The following APIP variants were observed in gnomAD, a reference collection of about 807,000 sequenced individuals.
APIP encodes the protein methylthioribulose-1-phosphate dehydratase.
APIP carries 32 observed loss-of-function variants against 32.0 expected under a neutral mutation model. The observed-to-expected ratio is 1.00, with a 90% CI of 0.76 to 1.34. The LOEUF (loss-of-function observed/expected upper bound fraction) is 1.34, where lower values mean the gene tolerates loss of function less well. Ranked by LOEUF, APIP falls within the 40% of genes most tolerant of loss-of-function variation. APIP has a pLI of 0.00. For missense variants in APIP, 247 were observed against 298.6 expected, an observed-to-expected ratio of 0.83 and a Z score of 1.27; for synonymous variants, 92 against 94.8, an observed-to-expected ratio of 0.97 and a Z score of 0.17.
intron 1 of APIP, among the ~76,000 whole-genome samples, chr11:34,915,549 A>C (rs1170378992): frequency 2.0e-5 from 3 of 152,208 alleles, no homozygotes; most frequent in Non-Finnish European, 4.4e-5. Context: ...CTAGTTCTCC[A>C]GACCCTGGGC....
rs753853669 is a variant in APIP, at chr11:34,916,335, G to A, written c.-51C>T. On this transcript the variant is annotated 5_prime_UTR_variant, in exon 1 of 7. Coordinates refer to ENST00000395787, the MANE Select transcript of APIP (RefSeq NM_015957.4). ...CTCCAATCTCCGCACGGCTTTGCGC[G>A]CGGCGCTTAGCCTGGGATACGGCAG... is the stretch of plus-strand genomic sequence containing the variant. 1.9e-6 allele frequency: 3 copies of A among 1,601,418 alleles called. No homozygotes were observed. The highest frequency in any genetic ancestry group is 2.3e-5 in the East Asian group (1 of 44,196).
intron 3 of APIP, among the ~76,000 whole-genome samples, chr11:34,889,529 T>C (rs1473963940): frequency 6.6e-6 from 1 of 152,124 alleles, no homozygotes; most frequent in Non-Finnish European, 1.5e-5. Context: ...GGAGGTTTGT[T>C]ACATAGGTAA....
At chr11:34,915,001 C>CAAAAAAAAAAAAAAAA (rs33914497) in intron 1 of APIP, among the ~76,000 whole-genome samples, 1 of 76,384 alleles carries the variant, frequency 1.3e-5, no homozygotes. Context: ...CAAAACGTGT[C>CAAAAAAAAAAAAAAAA]AAAAAAAAAA....
At chr11:34,890,371 T>C in intron 3 of APIP, 133 bp downstream of exon 3, 2 of 793,516 alleles carry the variant, frequency 2.5e-6, no homozygotes, top group Middle Eastern at 4.0e-4. Context: ...TAATAATTAC[T>C]CAATAAATGT....
intron 3 of APIP, among the ~76,000 whole-genome samples, chr11:34,889,884 G>C (rs1853157544): frequency 6.6e-6 from 1 of 152,042 alleles, no homozygotes; most frequent in Non-Finnish European, 1.5e-5. Flanking sequence ...CCAGTCTACT[G>C]TTGATGGGTA....
At chr11:34,904,641 G>A (rs1043913255) in intron 1 of APIP, among the ~76,000 whole-genome samples, 1 of 152,120 alleles carries the variant, frequency 6.6e-6, no homozygotes, top group Non-Finnish European at 1.5e-5. Context: ...CCAGGAAACT[G>A]GACCACCTCT....
chr11:34,901,465 G>A (rs1355830330), intron 1 of APIP, among the ~76,000 whole-genome samples: 1 of 152,042 alleles, frequency 6.6e-6, no homozygotes, highest in Non-Finnish European at 1.5e-5. Context: ...GGGTGATTCT[G>A]GAAATCAAAG....
chr11:34,885,913 G>A (rs996761339), intron 5 of APIP, among the ~76,000 whole-genome samples: 2 of 152,144 alleles, frequency 1.3e-5, no homozygotes, highest in African/African-American at 2.4e-5. Flanking sequence ...GCAAATGTCT[G>A]TGGTGATGCT....
At chr11:34,908,660 C>A (rs1438874088) in intron 1 of APIP, among the ~76,000 whole-genome samples, 3 of 152,264 alleles carry the variant, frequency 2.0e-5, no homozygotes, top group Non-Finnish European at 4.4e-5. Flanking sequence ...CAGTCTCCTT[C>A]TATTAATAAT....
At chr11:34,915,595 G>A (rs192113616) in intron 1 of APIP, among the ~76,000 whole-genome samples, 36 of 152,302 alleles carry the variant, frequency 2.4e-4, no homozygotes, top group Middle Eastern at 6.8e-3. Context: ...TGAGCGTGTA[G>A]AAGGCGCTCC....
intron 4 of APIP, 30 bp from the exon 5 acceptor site, chr11:34,888,458 CAATG>C: frequency 6.3e-7 from 1 of 1,597,012 alleles, no homozygotes; most frequent in Non-Finnish European, 8.5e-7. Flanking sequence ...GCCGCATGCT[CAATG>C]AAGACTGAAT....
chr11:34,913,927 A>C (rs1360828812), intron 1 of APIP, among the ~76,000 whole-genome samples: 1 of 152,174 alleles, frequency 6.6e-6, no homozygotes, highest in Non-Finnish European at 1.5e-5. Context: ...CTTTAGCTTC[A>C]TCTCAAGTCT....
At chr11:34,912,426 T>C (rs546394014) in intron 1 of APIP, among the ~76,000 whole-genome samples, 2 of 152,310 alleles carry the variant, frequency 1.3e-5, no homozygotes, top group African/African-American at 4.8e-5. Context: ...TCCAGTTCTC[T>C]CTCCTAGCTT....
intron 1 of APIP, among the ~76,000 whole-genome samples, chr11:34,915,597 A>G (rs1021587888): frequency 6.6e-6 from 1 of 152,052 alleles, no homozygotes; most frequent in African/African-American, 2.4e-5. Flanking sequence ...AGCGTGTAGA[A>G]GGCGCTCCAT....
intron 2 of APIP, among the ~76,000 whole-genome samples, chr11:34,891,051 T>A (rs1438767197): frequency 6.6e-6 from 1 of 152,146 alleles, no homozygotes; most frequent in Non-Finnish European, 1.5e-5. Context: ...GGACAGTTTC[T>A]TAAATTACTG....
chr11:34,904,205 T>C (rs77535550), intron 1 of APIP, among the ~76,000 whole-genome samples: 9,163 of 152,220 alleles, frequency 0.06, 366 homozygotes, highest in Non-Finnish European at 0.085. Context: ...TCTGAGGTAA[T>C]AAAAATGTTA....
At chr11:34,903,274 T>C (rs1224309200) in intron 1 of APIP, among the ~76,000 whole-genome samples, 4 of 152,216 alleles carry the variant, frequency 2.6e-5, no homozygotes, top group Non-Finnish European at 4.4e-5. Context: ...GACTGGACCC[T>C]CTCCACAGAT....
chr11:34,894,900 C>T, intron 2 of APIP, 110 bp downstream of exon 2: 2 of 922,282 alleles, frequency 2.2e-6, no homozygotes, highest in Non-Finnish European at 3.5e-6. Flanking sequence ...TAAAGACCTT[C>T]AGTATCACAT....
At chr11:34,911,385 C>T (rs1853548749) in intron 1 of APIP, among the ~76,000 whole-genome samples, 1 of 152,084 alleles carries the variant, frequency 6.6e-6, no homozygotes, top group Non-Finnish European at 1.5e-5. Context: ...TTTTTCTCTG[C>T]AACTAAGCAG....
Sources: gnomAD v4.1 joint callset for allele counts (sites outside exome capture counted in the v4.1 genomes callset) on GRCh38, gnomAD v4.1.1 for gene constraint, MANE v1.5 for transcripts, NCBI Gene and HGNC (gene_info 2026-07-23, HGNC 2026-07-21) for gene names.